The following MLLT11 variants were observed in gnomAD, a reference collection of about 807,000 sequenced individuals.
MLLT11 encodes MLLT11 transcription factor 7 cofactor.
Under a neutral mutation model 5.3 loss-of-function variants are expected in MLLT11, and 1 was observed. The ratio of observed to expected loss-of-function variants is 0.19; its 90% confidence interval spans 0.07 to 0.89. MLLT11 has a LOEUF of 0.89. Ranked by LOEUF, MLLT11 falls within the 40% of genes least tolerant of loss-of-function variation. The pLI, the probability that MLLT11 is intolerant of heterozygous loss-of-function variation, is 0.67. For missense variants in MLLT11, 87 were observed against 107.3 expected (o/e 0.81, Z 0.83); for synonymous variants, 38 against 41.7 (o/e 0.91, Z 0.34).
rs1676490095 is a variant in MLLT11, at chr1:151,067,392, C to T, written c.168C>T (p.Asp56=). The T allele has an allele frequency of 6.2e-7, 1 of 1,614,150 alleles. No homozygotes were observed. The highest frequency in any genetic ancestry group is 1.3e-5 in the African/African-American group (1 of 75,028). Residue 56 remains aspartate (D), a synonymous_variant, in exon 2 of 2, where the codon GAC becomes GAT. Transcript: ENST00000368921. ...TGATCGGGCAAGCAACTGCAGCAGA[C>T]CAGGAGAAAAACCCTGAAGGTGATG... ...GKMIGQATAA[D]QEKNPEGDGL...
intron 1 of MLLT11, among the ~76,000 whole-genome samples, chr1:151,064,369 G>A (rs974973818): frequency 7.2e-5 from 11 of 152,188 alleles, no homozygotes; most frequent in Non-Finnish European, 1.3e-4. Context: ...AGGTAGGCTA[G>A]AGAGAAATGG....
chr1:151,064,780 C>T (rs1273258709), intron 1 of MLLT11, among the ~76,000 whole-genome samples: 1 of 151,680 alleles, frequency 6.6e-6, no homozygotes, highest in Non-Finnish European at 1.5e-5. Context: ...GATGTTTGGG[C>T]GTGTCTGTGT....
chr1:151,062,921 A>G (rs1676426854), intron 1 of MLLT11, among the ~76,000 whole-genome samples: 1 of 152,108 alleles, frequency 6.6e-6, no homozygotes, highest in East Asian at 1.9e-4. Context: ...CTTTCTGCAC[A>G]CGTCTCTGCA....
intron 1 of MLLT11, among the ~76,000 whole-genome samples, chr1:151,064,482 G>C (rs373612586): frequency 6.7e-6 from 1 of 148,700 alleles, no homozygotes; most frequent in African/African-American, 2.6e-5. Context: ...TGTGTACAAA[G>C]CCCACCACTT....
intron 1 of MLLT11, among the ~76,000 whole-genome samples, chr1:151,066,767 T>C (rs1676480787): frequency 6.6e-6 from 1 of 151,440 alleles, no homozygotes; most frequent in Non-Finnish European, 1.5e-5. Flanking sequence ...TACTAAAAAA[T>C]ACAAAACATT....
rs1251311326 is a variant in MLLT11, at chr1:151,068,086, T to C, written c.*589T>C. ...AGGTATAAAACAGGAGGAAATATTA[T>C]GGAAAATGAAAATAGGGAAAATAAT... On this transcript the variant is annotated 3_prime_UTR_variant, in exon 2 of 2. Transcript: ENST00000368921. 4.2e-6 allele frequency: 1 copy of C among 240,700 alleles called. No individual in the cohort carries two copies. The highest frequency in any genetic ancestry group is 8.8e-6 in the Non-Finnish European group (1 of 113,810). 14.9% of individuals were successfully genotyped at this position (240,700 alleles called of 1,614,324 possible).
intron 1 of MLLT11, among the ~76,000 whole-genome samples, chr1:151,062,611 T>C (rs1463934878): frequency 1.3e-5 from 2 of 152,132 alleles, no homozygotes; most frequent in Non-Finnish European, 2.9e-5. Context: ...TCCACCTGCC[T>C]CGGCCTCCCA....
intron 1 of MLLT11, among the ~76,000 whole-genome samples, chr1:151,061,999 T>G (rs1558111096): frequency 6.6e-6 from 1 of 152,190 alleles, no homozygotes; most frequent in Non-Finnish European, 1.5e-5. Flanking sequence ...TTGAGCAGTT[T>G]TTTATACATA....
intron 1 of MLLT11, among the ~76,000 whole-genome samples, chr1:151,065,177 CTTATT>C (rs1418258655): frequency 5.3e-5 from 8 of 152,010 alleles, no homozygotes; most frequent in Non-Finnish European, 1.2e-4. Context: ...TCTGTGTAGT[CTTATT>C]TTATGTTCTT....
chr1:151,067,147 C>G (rs1415889356), intron 1 of MLLT11, 72 bp from the exon 2 acceptor site: 6 of 1,298,668 alleles, frequency 4.6e-6, no homozygotes, highest in Non-Finnish European at 6.5e-6. Flanking sequence ...TGTGGAGTAT[C>G]TAAGCAAGGA....
Position 151,067,744 on chromosome 1 carries a change from C to A in MLLT11, c.*247C>A, listed in dbSNP as rs1405360906. 1 of 535,596 alleles carries A rather than the reference C, an allele frequency of 1.9e-6. No homozygotes were observed. The highest frequency in any genetic ancestry group is 2.1e-5 in the African/African-American group (1 of 47,718). The allele number at this position is 535,596 out of a possible 1,614,324, so 33.2% of individuals were successfully genotyped here. On this transcript the variant is annotated 3_prime_UTR_variant, in exon 2 of 2. Coordinates refer to ENST00000368921, the MANE Select transcript of MLLT11 (RefSeq NM_006818.4). ...ACTGGGTCACAGGGATTCCTCCTTT[C>A]CCCCCCAAATATTAACTCCAGAAAC...
chr1:151,068,149 AG>A lies in MLLT11; in HGVS notation c.*653del. Reference sequence around the variant, plus strand: ...GAAGTAGCTAATTTCTTTTCTCAAAAGAGTGTCCCTTCTTCACACCTACTCA... The same window carrying A: ...GAAGTAGCTAATTTCTTTTCTCAAAAAGTGTCCCTTCTTCACACCTACTCA... On this transcript the variant is annotated 3_prime_UTR_variant, in exon 2 of 2. Coordinates refer to ENST00000368921, the MANE Select transcript of MLLT11 (RefSeq NM_006818.4). 8.3e-6 allele frequency: 2 copies of A among 240,528 alleles called. No individual in the cohort carries two copies. The highest frequency in any genetic ancestry group is 1.8e-5 in the Non-Finnish European group (2 of 113,462). 14.9% of individuals were successfully genotyped at this position (240,528 alleles called of 1,614,324 possible). A position where few individuals can be genotyped will look rare whatever the true frequency, so the allele number is the denominator to read the frequency against.
intron 1 of MLLT11, among the ~76,000 whole-genome samples, chr1:151,064,797 G>A (rs927582789): frequency 5.1e-5 from 7 of 138,234 alleles, no homozygotes; most frequent in Non-Finnish European, 9.2e-5. Flanking sequence ...GTGTGGCTCC[G>A]AGAGAGTGTA....
At chr1:151,060,857 A>G (rs1477515877) in intron 1 of MLLT11, among the ~76,000 whole-genome samples, 1 of 152,002 alleles carries the variant, frequency 6.6e-6, no homozygotes, top group Non-Finnish European at 1.5e-5. Context: ...TTCAAACCAT[A>G]ATTTGTTTTA....
At position 151,067,476 on chromosome 1, in the gene MLLT11, C is replaced by T; in HGVS notation, c.252C>T (p.Ser84=). 3 of 1,613,936 alleles carry T rather than the reference C, an allele frequency of 1.9e-6. No individual in the cohort carries two copies. Among genetic ancestry groups the T allele is most frequent in the Non-Finnish European group, 2.5e-6 (3 of 1,180,004 alleles). Residue 84 remains serine, a synonymous_variant, in exon 2 of 2, where the codon TCC becomes TCT. Transcript: ENST00000368921. ...GAGCTCCCATTGCCAGCATCCACTC[C>T]TTCGAACTGGACTTGCTCTAAGGCC... ...FWRAPIASIH[S]FELDLL is the part of the protein sequence containing the mutation.
Position 151,068,997 on chromosome 1 carries a change from C to T in MLLT11, c.*1500C>T, listed in dbSNP as rs1164911517. On this transcript the variant is annotated 3_prime_UTR_variant, in exon 2 of 2. Transcript: ENST00000368921. Reference sequence around the variant, plus strand: ...ACAGATAATGAAAGGGCAAAATCAACTTAAAATTAGAAAAGTAGTTAGGGA... The same window carrying T: ...ACAGATAATGAAAGGGCAAAATCAATTTAAAATTAGAAAAGTAGTTAGGGA... Among the ~76,000 whole-genome samples, 1 of 152,136 alleles carries T rather than the reference C, an allele frequency of 6.6e-6. No individual in the cohort carries two copies. Among genetic ancestry groups the T allele is most frequent in the Non-Finnish European group, 1.5e-5 (1 of 68,028 alleles).
chr1:151,068,372 A>T lies in MLLT11; in HGVS notation c.*875A>T, dbSNP rs1057254935. The T allele has an allele frequency of 4.4e-6, 1 of 225,648 alleles. No individual in the cohort carries two copies. The highest frequency in any genetic ancestry group is 2.3e-5 in the African/African-American group (1 of 44,160). 14.0% of individuals were successfully genotyped at this position (225,648 alleles called of 1,614,324 possible). On this transcript the variant is annotated 3_prime_UTR_variant, in exon 2 of 2. Transcript: ENST00000368921. The stretch of plus-strand genomic sequence containing the variant: ...TCAGTGGGCACAGTTCTTCAGCTAC[A>T]TTGAGACCCTGAAATGAACAATTAT...
intron 1 of MLLT11, among the ~76,000 whole-genome samples, chr1:151,066,370 C>T (rs1676476855): frequency 6.6e-6 from 1 of 152,128 alleles, no homozygotes; most frequent in African/African-American, 2.4e-5. Flanking sequence ...AACTCCTGGC[C>T]TCAAGTGATC....
At chr1:151,061,123 T>C (rs1270336401) in intron 1 of MLLT11, among the ~76,000 whole-genome samples, 1 of 152,204 alleles carries the variant, frequency 6.6e-6, no homozygotes, top group African/African-American at 2.4e-5. Flanking sequence ...CCTGATTCCA[T>C]AGTGAAATCA....
Sources: allele counts gnomAD v4.1 joint callset (sites outside exome capture counted in the v4.1 genomes callset), GRCh38; gene constraint gnomAD v4.1.1; transcripts MANE v1.5; gene names NCBI Gene and HGNC (gene_info 2026-07-23, HGNC 2026-07-21).